Variants in COX6C observed in about 807,000 individuals in gnomAD.
The protein encoded by COX6C is cytochrome c oxidase polypeptide VIc.
Under a neutral mutation model 6.9 loss-of-function variants are expected in COX6C, and 3 were observed. The observed-to-expected ratio is 0.43, with a 90% CI of 0.20 to 1.12. COX6C has a LOEUF of 1.12. Ranked by LOEUF, COX6C falls within the 50% of genes most tolerant of loss-of-function variation. The pLI, the probability that COX6C is intolerant of heterozygous loss-of-function variation, is 0.27. For synonymous variants in COX6C, 32 were observed against 32.0 expected, an observed-to-expected ratio of 1.00 and a Z score of 0.00; for missense variants, 101 against 97.3, an observed-to-expected ratio of 1.04 and a Z score of -0.16.
intron 3 of COX6C, among the ~76,000 whole-genome samples, chr8:99,879,331 C>A (rs1469015504): frequency 6.6e-6 from 1 of 152,166 alleles, no homozygotes; most frequent in Non-Finnish European, 1.5e-5. Flanking sequence ...CACTCGTGGA[C>A]ACCCACCTAA....
chr8:99,886,015 A>AG (rs1429135698), intron 3 of COX6C: 1 of 152,230 alleles, frequency 6.6e-6, no homozygotes, highest in Non-Finnish European at 1.5e-5. Context: ...AAGATGCTCA[A>AG]GAACACAAAT....
chr8:99,882,929 C>T (rs905002158), intron 3 of COX6C, among the ~76,000 whole-genome samples: 5 of 152,136 alleles, frequency 3.3e-5, no homozygotes, highest in Admixed American at 6.5e-5. Context: ...GGACTGCAGG[C>T]GTGTGCCATC....
intron 3 of COX6C, chr8:99,886,973 T>A (rs1267798904): frequency 6.6e-6 from 1 of 152,250 alleles, no homozygotes; most frequent in Non-Finnish European, 1.5e-5. Context: ...ATGGTTAAGA[T>A]GGCAAATTTT....
At chr8:99,883,413 G>A (rs1292973530) in intron 3 of COX6C, among the ~76,000 whole-genome samples, 1 of 148,702 alleles carries the variant, frequency 6.7e-6, no homozygotes, top group Non-Finnish European at 1.5e-5. Flanking sequence ...GTATATATAT[G>A]TGTGTGTGTG....
chr8:99,883,471 A>T (rs10094411), intron 3 of COX6C, among the ~76,000 whole-genome samples: 65,679 of 137,332 alleles, frequency 0.48, 16,004 homozygotes, highest in African/African-American at 0.58. Context: ...ATATATATAT[A>T]TTTTTTTTTT....
intron 2 of COX6C, 76 bp from the exon 3 acceptor site, chr8:99,887,694 C>A: frequency 1.1e-6 from 1 of 928,496 alleles, no homozygotes; most frequent in Admixed American, 3.1e-5. Context: ...TATATAAAGA[C>A]AAGGTAGAAC....
chr8:99,884,637 A>G (rs1167359830), intron 3 of COX6C, among the ~76,000 whole-genome samples: 3 of 152,224 alleles, frequency 2.0e-5, no homozygotes, highest in Non-Finnish European at 4.4e-5. Context: ...TGTTTTGATT[A>G]TAGTAGTCTC....
At chr8:99,882,316 CAT>C (rs1395009816) in intron 3 of COX6C, among the ~76,000 whole-genome samples, 1 of 152,150 alleles carries the variant, frequency 6.6e-6, no homozygotes, top group Admixed American at 6.5e-5. Context: ...CAAGACAAAC[CAT>C]ATGTTAGGTC....
At chr8:99,886,333 T>A (rs975974855) in intron 3 of COX6C, 11 of 152,104 alleles carry the variant, frequency 7.2e-5, no homozygotes, top group African/African-American at 2.7e-4. Context: ...GAGGCTGCAG[T>A]GAGCCATGAT....
chr8:99,893,186 G>A (rs1479495675), intron 1 of COX6C: 3 of 152,236 alleles, frequency 2.0e-5, no homozygotes, highest in South Asian at 2.1e-4. Context: ...TTAAAACGCT[G>A]CCACACAGCG....
intron 2 of COX6C, among the ~76,000 whole-genome samples, chr8:99,888,343 G>C (rs551304648): frequency 1.3e-5 from 2 of 151,982 alleles, no homozygotes; most frequent in East Asian, 3.9e-4. Context: ...GAGGCCAAGG[G>C]GGGCGAATCA....
chr8:99,892,945 C>T (rs534624007), intron 1 of COX6C: 4 of 152,254 alleles, frequency 2.6e-5, no homozygotes, highest in Non-Finnish European at 4.4e-5. Flanking sequence ...ACCATTAAAA[C>T]CTGGACGGGA....
At chr8:99,885,788 G>A (rs528061536) in intron 3 of COX6C, among the ~76,000 whole-genome samples, 17 of 152,160 alleles carry the variant, frequency 1.1e-4, no homozygotes, top group African/African-American at 2.9e-4. Context: ...AAATAAATTC[G>A]ACATCAAAAT....
intron 3 of COX6C, among the ~76,000 whole-genome samples, chr8:99,884,401 A>G (rs1224686726): frequency 6.6e-6 from 1 of 152,244 alleles, no homozygotes; most frequent in Non-Finnish European, 1.5e-5. Flanking sequence ...AATAATACTT[A>G]GGAATGTATT....
At chr8:99,885,193 C>T (rs1383019826) in intron 3 of COX6C, among the ~76,000 whole-genome samples, 2 of 152,194 alleles carry the variant, frequency 1.3e-5, no homozygotes, top group Admixed American at 6.5e-5. Flanking sequence ...GGTTCAAAAA[C>T]AGGTGAGTAC....
chr8:99,880,810 G>A (rs1304010681), intron 3 of COX6C, among the ~76,000 whole-genome samples: 1 of 151,248 alleles, frequency 6.6e-6, no homozygotes, highest in Non-Finnish European at 1.5e-5. Flanking sequence ...AGTCCCAGAA[G>A]AGAAAAAGGG....
intron 3 of COX6C, among the ~76,000 whole-genome samples, chr8:99,879,044 T>C (rs1016767919): frequency 6.6e-6 from 1 of 152,240 alleles, no homozygotes; most frequent in Non-Finnish European, 1.5e-5. Context: ...TCACATTCTC[T>C]GTGTCACAGC....
intron 3 of COX6C, among the ~76,000 whole-genome samples, chr8:99,883,487 A>G (rs529402052): frequency 6.9e-6 from 1 of 144,454 alleles, no homozygotes; most frequent in East Asian, 2.0e-4. Flanking sequence ...TTTTTGGTAG[A>G]GATGGGGTCT....
At chr8:99,885,809 C>CA (rs1231610335) in intron 3 of COX6C, among the ~76,000 whole-genome samples, 1 of 152,070 alleles carries the variant, frequency 6.6e-6, no homozygotes, top group Admixed American at 6.6e-5. Flanking sequence ...TTCTGTGCAT[C>CA]AAGGGACACA....
Sources: gnomAD v4.1 joint callset for allele counts (sites outside exome capture counted in the v4.1 genomes callset) on GRCh38, gnomAD v4.1.1 for gene constraint, MANE v1.5 for transcripts, NCBI Gene and HGNC (gene_info 2026-07-23, HGNC 2026-07-21) for gene names.